The following CDYL variants were observed in gnomAD, a reference collection of about 807,000 sequenced individuals.
CDYL encodes chromodomain Y-like protein.
A neutral mutation model predicts 47.3 loss-of-function variants in CDYL; 8 were observed. The observed-to-expected ratio is 0.17, with a 90% CI of 0.10 to 0.31. The LOEUF (loss-of-function observed/expected upper bound fraction) is 0.31. CDYL is among the 10% of genes least tolerant of loss of function. The pLI, the probability that CDYL is intolerant of heterozygous loss-of-function variation, is 1.00. For synonymous variants in CDYL, 266 were observed against 265.0 expected (o/e 1.00, Z -0.04); for missense variants, 471 against 701.4 (o/e 0.67, Z 3.71).
chr6:4,848,194 G>C (rs1398659577), intron 1 of CDYL, among the ~76,000 whole-genome samples: 3 of 152,148 alleles, frequency 2.0e-5, no homozygotes, highest in Non-Finnish European at 4.4e-5. Flanking sequence ...TGGGAGGGGG[G>C]TGCTTTATTG....
chr6:4,783,911 G>C (rs1758684739), intron 1 of CDYL, among the ~76,000 whole-genome samples: 1 of 152,172 alleles, frequency 6.6e-6, no homozygotes, highest in Admixed American at 6.5e-5. Flanking sequence ...GCTCGAAAAT[G>C]GATTTGGCCA....
At chr6:4,763,314 A>G (rs1261241859) in intron 3 of CDYL, among the ~76,000 whole-genome samples, 1 of 152,198 alleles carries the variant, frequency 6.6e-6, no homozygotes, top group Non-Finnish European at 1.5e-5. Context: ...AAAAAACCAA[A>G]GGACAAAATA....
chr6:4,747,448 A>G (rs1162289198), intron 3 of CDYL, among the ~76,000 whole-genome samples: 1 of 152,048 alleles, frequency 6.6e-6, no homozygotes, highest in Non-Finnish European at 1.5e-5. Flanking sequence ...TGTATTTGTG[A>G]TAGGTGGTTA....
At chr6:4,771,684 C>G (rs1758340676), upstream of CDYL, among the ~76,000 whole-genome samples, 1 of 152,222 alleles carries the variant, frequency 6.6e-6, no homozygotes. Flanking sequence ...AAAATGTCCA[C>G]ACTCATCTCT....
At chr6:4,777,404 G>A (rs953426934) in intron 1 of CDYL, among the ~76,000 whole-genome samples, 7 of 152,186 alleles carry the variant, frequency 4.6e-5, no homozygotes. Context: ...CATTTGCGCC[G>A]CAGCGTTGCA....
intron 1 of CDYL, among the ~76,000 whole-genome samples, chr6:4,860,542 T>C (rs2127468273): frequency 6.8e-6 from 1 of 147,872 alleles, no homozygotes; most frequent in South Asian, 2.1e-4. Flanking sequence ...TTGTATATCA[T>C]GTATATATTA....
intron 1 of CDYL, among the ~76,000 whole-genome samples, chr6:4,858,720 AGT>A (rs1263609015): frequency 6.6e-6 from 1 of 152,192 alleles, no homozygotes; most frequent in African/African-American, 2.4e-5. Context: ...GAAGGTGGAG[AGT>A]GTAGACTTGA....
chr6:4,816,051 T>A (rs1018085793), intron 1 of CDYL, among the ~76,000 whole-genome samples: 1 of 151,826 alleles, frequency 6.6e-6, no homozygotes, highest in East Asian at 1.9e-4. Context: ...GCTTTAAAAT[T>A]TTTCCACGTG....
intron 1 of CDYL, among the ~76,000 whole-genome samples, chr6:4,879,084 A>G (rs1581231278): frequency 6.6e-6 from 1 of 152,156 alleles, no homozygotes; most frequent in African/African-American, 2.4e-5. Flanking sequence ...CTCTTTTAAA[A>G]TTTTTATTGA....
chr6:4,710,199 G>A (rs1213626830), intron 1 of CDYL, among the ~76,000 whole-genome samples: 1 of 152,114 alleles, frequency 6.6e-6, no homozygotes, highest in Non-Finnish European at 1.5e-5. Context: ...TCTAGCTTGG[G>A]CAACAAGAGT....
intron 2 of CDYL, among the ~76,000 whole-genome samples, chr6:4,924,387 G>T (rs1291760545): frequency 1.3e-5 from 2 of 152,242 alleles, no homozygotes; most frequent in South Asian, 4.1e-4. Context: ...GTGGTTTGCC[G>T]TTCACCTGCC....
chr6:4,933,177 G>A (rs1048266140), intron 2 of CDYL, among the ~76,000 whole-genome samples: 1 of 152,172 alleles, frequency 6.6e-6, no homozygotes, highest in African/African-American at 2.4e-5. Flanking sequence ...CTCACTCTCT[G>A]TCTCAGTCTT....
rs1371279397 is a variant in CDYL, at chr6:4,895,285, A to ATG, written c.691+2907_691+2908insGT. Among the ~76,000 whole-genome samples the ATG allele has an allele frequency of 3.2e-4, 47 of 147,010 alleles. 19 individuals carry two copies. The highest frequency in any genetic ancestry group is 1.3e-3 in the African/African-American group (47 of 37,538). On this transcript the variant is annotated intron_variant, in intron 2 of 6. Coordinates refer to ENST00000397588, the MANE Select transcript of CDYL (RefSeq NM_004824.4). ...TGTATACATGTATGTATATATGTGCATATATGCATGTATGTATATATGTGC... is the reference window on the plus strand; with the variant it reads ...TGTATACATGTATGTATATATGTGCATGTATATGCATGTATGTATATATGTGC...
intron 1 of CDYL, among the ~76,000 whole-genome samples, chr6:4,816,031 T>C (rs1406834953): frequency 6.6e-6 from 1 of 150,804 alleles, no homozygotes; most frequent in African/African-American, 2.4e-5. Context: ...TTTGGGAACA[T>C]AGAGATTGAG....
intron 1 of CDYL, among the ~76,000 whole-genome samples, chr6:4,879,552 G>GGTTT (rs765022209): frequency 1.9e-5 from 2 of 106,158 alleles, no homozygotes. Flanking sequence ...TTTTTGTGGG[G>GGTTT]TTTTTTTTTT....
intron 1 of CDYL, among the ~76,000 whole-genome samples, chr6:4,787,685 T>C (rs1053743003): frequency 1.3e-5 from 2 of 151,782 alleles, no homozygotes; most frequent in African/African-American, 2.4e-5. Flanking sequence ...CCCCTCACCT[T>C]TGACAGAAAG....
At chr6:4,836,361 A>C (rs928347907) in intron 1 of CDYL, 3 of 620,172 alleles carry the variant, frequency 4.8e-6, no homozygotes, top group Non-Finnish European at 6.0e-6. Context: ...CCAACCCCCT[A>C]GAGGAGTTGG....
intron 3 of CDYL, among the ~76,000 whole-genome samples, chr6:4,746,356 C>CTG (rs745898933): frequency 4.1e-4 from 52 of 128,044 alleles, no homozygotes; most frequent in African/African-American, 1.1e-3. Context: ...AGAGCAGACT[C>CTG]TCTCAAAAAA....
intron 2 of CDYL, among the ~76,000 whole-genome samples, chr6:4,914,270 C>T (rs182060887): frequency 6.6e-6 from 1 of 151,716 alleles, no homozygotes; most frequent in East Asian, 1.9e-4. Flanking sequence ...GTTTGCTGCC[C>T]TTCCCCCAGA....
Sources: gnomAD v4.1 joint callset for allele counts (sites outside exome capture counted in the v4.1 genomes callset) on GRCh38, gnomAD v4.1.1 for gene constraint, MANE v1.5 for transcripts, NCBI Gene and HGNC (gene_info 2026-07-23, HGNC 2026-07-21) for gene names.